Variants in PTPRD observed in about 807,000 individuals in gnomAD.
PTPRD encodes the protein receptor-type tyrosine-protein phosphatase delta.
Under a neutral mutation model 214.5 loss-of-function variants are expected in PTPRD, and 34 were observed. The ratio of observed to expected loss-of-function variants is 0.16; its 90% CI spans 0.12 to 0.21. The LOEUF (loss-of-function observed/expected upper bound fraction) is 0.21. Ranked by LOEUF, PTPRD falls within the 10% of genes least tolerant of loss-of-function variation. PTPRD has a pLI of 1.00. For synonymous variants in PTPRD, 1,128 were observed against 845.7 expected (o/e 1.33, Z -5.79); for missense variants, 2,545 against 2,398.7 (o/e 1.06, Z -1.27).
chr9:8,923,054 G>A (rs1401432949), intron 11 of PTPRD, among the ~76,000 whole-genome samples: 1 of 141,092 alleles, frequency 7.1e-6, no homozygotes, highest in Non-Finnish European at 1.6e-5. Context: ...TTTTTTTGTT[G>A]TTTTTGAGAC....
At chr9:9,668,736 C>G (rs986609689) in intron 7 of PTPRD, among the ~76,000 whole-genome samples, 22 of 152,220 alleles carry the variant, frequency 1.4e-4, no homozygotes, top group Middle Eastern at 3.4e-3. Flanking sequence ...GTTCAGCTAA[C>G]TGATTTTCGT....
intron 11 of PTPRD, among the ~76,000 whole-genome samples, chr9:8,902,198 G>A (rs1374865777): frequency 3.3e-5 from 5 of 152,162 alleles, no homozygotes; most frequent in Non-Finnish European, 5.9e-5. Context: ...ACACTGTCAT[G>A]TGACAGAAAC....
At chr9:9,613,336 A>G (rs1338649083) in intron 7 of PTPRD, among the ~76,000 whole-genome samples, 1 of 152,054 alleles carries the variant, frequency 6.6e-6, no homozygotes, top group Admixed American at 6.6e-5. Flanking sequence ...TTATCACATT[A>G]GTGTTTTAAG....
At chr9:8,598,071 T>G (rs921103922) in intron 14 of PTPRD, among the ~76,000 whole-genome samples, 1 of 152,162 alleles carries the variant, frequency 6.6e-6, no homozygotes, top group African/African-American at 2.4e-5. Flanking sequence ...CATATAAATA[T>G]GCATGGAGAA....
At chr9:8,352,875 G>A (rs971103613) in intron 39 of PTPRD, among the ~76,000 whole-genome samples, 2 of 152,160 alleles carry the variant, frequency 1.3e-5, no homozygotes, top group African/African-American at 4.8e-5. Flanking sequence ...CGCTTTGGGA[G>A]GCTGAGGCGG....
chr9:8,441,500 C>T (rs540252975), intron 34 of PTPRD, among the ~76,000 whole-genome samples: 77 of 151,846 alleles, frequency 5.1e-4, no homozygotes, highest in Admixed American at 1.1e-3. Context: ...CCATGTCAAA[C>T]GATAAGCTCT....
intron 7 of PTPRD, among the ~76,000 whole-genome samples, chr9:9,604,556 A>G (rs2094016599): frequency 6.6e-6 from 1 of 152,064 alleles, no homozygotes; most frequent in Non-Finnish European, 1.5e-5. Context: ...AAAACTTTAA[A>G]TATTCATTTT....
At chr9:9,696,674 C>A (rs371945219) in intron 7 of PTPRD, among the ~76,000 whole-genome samples, 100 of 152,162 alleles carry the variant, frequency 6.6e-4, no homozygotes, top group South Asian at 3.3e-3. Context: ...CTTTCTTCAA[C>A]TTATAGTCTA....
chr9:9,960,429 G>T (rs1377123148), intron 4 of PTPRD, among the ~76,000 whole-genome samples: 1 of 152,112 alleles, frequency 6.6e-6, no homozygotes, highest in Non-Finnish European at 1.5e-5. Context: ...TGGCCTCTAT[G>T]TAGGGACTTG....
At chr9:10,378,008 T>C (rs773763769) in intron 2 of PTPRD, among the ~76,000 whole-genome samples, 2 of 152,102 alleles carry the variant, frequency 1.3e-5, no homozygotes, top group African/African-American at 2.4e-5. Context: ...GTGGTCGTAT[T>C]AATTTACATC....
rs199956444 is a variant in PTPRD, at chr9:10,167,576, A to G, written c.-544-133786T>C. Among the ~76,000 whole-genome samples the G allele has an allele frequency of 2.0e-5, 3 of 152,310 alleles. No homozygotes were observed. In the East Asian group the frequency reaches 5.8e-4, roughly 29 times the overall value. ...TAATTTTTAGGAAAGTATTATGCATACATATATGGAATATCTTATTAGAAG... is the reference window on the plus strand; with the variant it reads ...TAATTTTTAGGAAAGTATTATGCATGCATATATGGAATATCTTATTAGAAG... On this transcript the variant is annotated intron_variant, in intron 3 of 45. Coordinates refer to ENST00000381196, the MANE Select transcript of PTPRD (RefSeq NM_002839.4).
At chr9:9,064,531 C>A (rs980045045) in intron 10 of PTPRD, among the ~76,000 whole-genome samples, 2 of 152,170 alleles carry the variant, frequency 1.3e-5, no homozygotes, top group Admixed American at 6.5e-5. Flanking sequence ...ATTTCAAGGT[C>A]AGACTCTTTC....
At chr9:8,444,466 G>A (rs1260429232) in intron 34 of PTPRD, among the ~76,000 whole-genome samples, 1 of 151,758 alleles carries the variant, frequency 6.6e-6, no homozygotes, top group Non-Finnish European at 1.5e-5. Flanking sequence ...AACTCTATAT[G>A]GCAGATATTT....
At chr9:9,534,192 T>A (rs1225983291) in intron 8 of PTPRD, among the ~76,000 whole-genome samples, 1 of 152,134 alleles carries the variant, frequency 6.6e-6, no homozygotes, top group African/African-American at 2.4e-5. Context: ...CTGACAGCTA[T>A]AACTTGTTAA....
chr9:10,590,804 T>C lies in PTPRD; in HGVS notation c.-600+21594A>G, dbSNP rs1163141105. ...TTCACAAATGTAAAACAAAAACCCA[T>C]TCATTATTTCTAGTAGAAAACTACA... On this transcript the variant is annotated intron_variant, in intron 2 of 45. Coordinates refer to ENST00000381196, the MANE Select transcript of PTPRD (RefSeq NM_002839.4). 4.6e-5 allele frequency among the ~76,000 whole-genome samples: 7 copies of C among 151,854 alleles called. No homozygotes were observed. In the East Asian group the frequency reaches 1.4e-3, roughly 29 times the overall value.
At chr9:9,311,208 C>G (rs1569567267) in intron 9 of PTPRD, among the ~76,000 whole-genome samples, 1 of 151,790 alleles carries the variant, frequency 6.6e-6, no homozygotes, top group Admixed American at 6.6e-5. Flanking sequence ...ATTCTTAGTT[C>G]CAAAGAAAAA....
intron 9 of PTPRD, among the ~76,000 whole-genome samples, chr9:9,382,397 G>A (rs555009009): frequency 4.6e-5 from 7 of 152,164 alleles, no homozygotes; most frequent in East Asian, 3.9e-4. Flanking sequence ...GGTCATCTAC[G>A]AATGGGAGAA....
chr9:8,788,876 G>C lies in PTPRD; in HGVS notation c.-103-54930C>G, dbSNP rs191415473. 2.2e-3 allele frequency among the ~76,000 whole-genome samples: 328 copies of C among 152,144 alleles called. 5 individuals carry two copies. The highest frequency in any genetic ancestry group is 1.1e-3 in the Non-Finnish European group (72 of 68,010). ...TTCATGGAAATTTAATCCAGTACAG[G>C]CAAGATGTCTTACATGTTATGATGT... On this transcript the variant is annotated intron_variant, in intron 11 of 45. Transcript: ENST00000381196.
At chr9:10,104,035 G>A (rs2098598650) in intron 3 of PTPRD, among the ~76,000 whole-genome samples, 1 of 151,614 alleles carries the variant, frequency 6.6e-6, no homozygotes, top group Admixed American at 6.6e-5. Context: ...GAAACTTAAG[G>A]ACATTATGTT....
Sources: allele counts gnomAD v4.1 joint callset (sites outside exome capture counted in the v4.1 genomes callset), GRCh38; gene constraint gnomAD v4.1.1; transcripts MANE v1.5; gene names NCBI Gene and HGNC (gene_info 2026-07-23, HGNC 2026-07-21).